Variants in TSHZ3 observed in about 807,000 individuals in gnomAD.
TSHZ3 encodes teashirt zinc finger homeobox 3, also known as teashirt homolog 3.
In TSHZ3, 10 loss-of-function variants were observed where a neutral mutation model predicts 64.5. The observed-to-expected ratio is 0.16, with a 90% confidence interval of 0.10 to 0.26. TSHZ3 has a LOEUF of 0.26. Among genes scored for constraint, TSHZ3 ranks in the 10% least tolerant of loss-of-function variants. The pLI, the probability that TSHZ3 is intolerant of heterozygous loss-of-function variation, is 1.00. For missense variants in TSHZ3, 1,242 were observed against 1,421.7 expected (o/e 0.87, Z 2.03); for synonymous variants, 608 against 593.1 (o/e 1.03, Z -0.36).
intron 5 of TSHZ3, among the ~76,000 whole-genome samples, chr19:31,196,057 T>C (rs1293302748): frequency 6.6e-6 from 1 of 151,768 alleles, no homozygotes; most frequent in African/African-American, 2.4e-5. Flanking sequence ...GACCAAAACA[T>C]AAGGCATGAC....
In TSHZ3 at chr19:31,236,713, C is replaced by T. The variant is rs374231658; in HGVS notation, n.550+5556G>A. On this transcript the variant is annotated intron_variant and non_coding_transcript_variant, in intron 3 of 6. Coordinates refer to the TSHZ3 transcript ENST00000651361. ...AACTGTAAGACCTGAAACTATGAAACTCCTGGAAGAAAACATAGGGAAAAA... is the reference window on the plus strand; with the variant it reads ...AACTGTAAGACCTGAAACTATGAAATTCCTGGAAGAAAACATAGGGAAAAA... Among the ~76,000 whole-genome samples, 5 of 152,212 alleles carry T rather than the reference C, an allele frequency of 3.3e-5. No homozygotes were observed. The East Asian group carries it at 5.8e-4, about 18-fold the overall frequency.
intron 3 of TSHZ3, among the ~76,000 whole-genome samples, chr19:31,228,634 G>A (rs1397195194): frequency 6.6e-6 from 1 of 152,008 alleles, no homozygotes; most frequent in East Asian, 1.9e-4. Context: ...CAGAAGCTTA[G>A]GGTCAAACTT....
intron 4 of TSHZ3, among the ~76,000 whole-genome samples, chr19:31,210,876 T>G (rs1019496363): frequency 6.6e-6 from 1 of 152,232 alleles, no homozygotes; most frequent in Non-Finnish European, 1.5e-5. Flanking sequence ...GTGTTTAGCA[T>G]AAAATGTTGT....
intron 5 of TSHZ3, among the ~76,000 whole-genome samples, chr19:31,204,113 G>GA (rs1190012924): frequency 3.3e-5 from 5 of 152,104 alleles, no homozygotes; most frequent in African/African-American, 1.2e-4. Context: ...AAGCATGGGG[G>GA]AAACTGCCCC....
At chr19:31,224,606 G>A (rs1975435185) in intron 4 of TSHZ3, among the ~76,000 whole-genome samples, 1 of 152,146 alleles carries the variant, frequency 6.6e-6, no homozygotes, top group Non-Finnish European at 1.5e-5. Flanking sequence ...GACGTGGTGG[G>A]TCAATGCTAC....
rs61428496 is a variant in TSHZ3, at chr19:31,199,400, CAAAA to C, written n.809+5552_809+5555del. Among the ~76,000 whole-genome samples, 341 of 98,560 alleles carry C rather than the reference CAAAA, an allele frequency of 3.5e-3. 2 individuals are homozygous for C. Among genetic ancestry groups the C allele is most frequent in the South Asian group, 0.017 (50 of 2,890 alleles). The allele number at this position is 98,560 out of a possible 152,430, so 64.7% of individuals were successfully genotyped here. On this transcript the variant is annotated intron_variant and non_coding_transcript_variant, in intron 5 of 6. Coordinates refer to the TSHZ3 transcript ENST00000651361. Reference sequence around the variant, plus strand: ...GCCTGATGACAGAGCGAGACTCCGCCAAAAAAAAAAAAAAAAAAAAAAGAAAAGA... The same window carrying C: ...GCCTGATGACAGAGCGAGACTCCGCCAAAAAAAAAAAAAAAAAAGAAAAGA...
chr19:31,313,550 C>T (rs568849180), intron 1 of TSHZ3, among the ~76,000 whole-genome samples: 2 of 152,202 alleles, frequency 1.3e-5, no homozygotes, highest in South Asian at 2.1e-4. Context: ...TGTTGGGCTG[C>T]GGAAATGGTT....
At chr19:31,166,036 G>A (rs1466977692) in intron 5 of TSHZ3, among the ~76,000 whole-genome samples, 3 of 152,174 alleles carry the variant, frequency 2.0e-5, no homozygotes, top group Admixed American at 6.5e-5. Context: ...GAAGGCAAGA[G>A]AGGCTGTCTG....
intron 1 of TSHZ3, among the ~76,000 whole-genome samples, chr19:31,267,660 T>C (rs1270572861): frequency 6.6e-6 from 1 of 151,846 alleles, no homozygotes; most frequent in African/African-American, 2.4e-5. Flanking sequence ...TTTTTTTTCC[T>C]GGACTTCAGA....
intron 1 of TSHZ3, among the ~76,000 whole-genome samples, chr19:31,296,350 T>G (rs1466934928): frequency 7.2e-6 from 1 of 139,420 alleles, no homozygotes; most frequent in East Asian, 2.0e-4. Context: ...TTTTTTTTTT[T>G]TGAGACGAAG....
At chr19:31,347,954 C>T (rs965187563) in intron 1 of TSHZ3, among the ~76,000 whole-genome samples, 20 of 152,160 alleles carry the variant, frequency 1.3e-4, no homozygotes, top group African/African-American at 4.6e-4. Context: ...AGATGGGCAC[C>T]AGCCAATGCC....
At chr19:31,191,316 C>T (rs1974902563) in intron 5 of TSHZ3, among the ~76,000 whole-genome samples, 1 of 151,912 alleles carries the variant, frequency 6.6e-6, no homozygotes, top group South Asian at 2.1e-4. Flanking sequence ...ATTTAACATA[C>T]AAGAAAAAAG....
intron 4 of TSHZ3, among the ~76,000 whole-genome samples, chr19:31,221,063 T>C (rs1254921511): frequency 6.6e-6 from 1 of 152,224 alleles, no homozygotes; most frequent in East Asian, 1.9e-4. Context: ...TATGCTCAAC[T>C]ATGTATATTC....
chr19:31,272,197 C>T (rs192226777), downstream of TSHZ3, among the ~76,000 whole-genome samples: 2 of 152,292 alleles, frequency 1.3e-5, no homozygotes, highest in East Asian at 3.9e-4. Context: ...TTTCTGTCTT[C>T]AGAATTCTGC....
chr19:31,304,509 C>CA (rs907219753), intron 1 of TSHZ3, among the ~76,000 whole-genome samples: 2 of 122,968 alleles, frequency 1.6e-5, no homozygotes, highest in African/African-American at 5.7e-5. Flanking sequence ...ACAACAACAA[C>CA]AACAAAAAAT....
chr19:31,176,625 C>CAAAAATA (rs1489398998), intron 5 of TSHZ3, among the ~76,000 whole-genome samples: 1 of 151,962 alleles, frequency 6.6e-6, no homozygotes, highest in Non-Finnish European at 1.5e-5. Context: ...TCCCTCTCTA[C>CAAAAATA]AAAAATAAAA....
chr19:31,194,834 G>A (rs1248775115), intron 5 of TSHZ3, among the ~76,000 whole-genome samples: 3 of 152,182 alleles, frequency 2.0e-5, no homozygotes, highest in Non-Finnish European at 2.9e-5. Flanking sequence ...AATGTATAAA[G>A]TGGACACCAT....
At chr19:31,169,819 G>T (rs1974511771) in intron 5 of TSHZ3, among the ~76,000 whole-genome samples, 1 of 152,136 alleles carries the variant, frequency 6.6e-6, no homozygotes, top group Non-Finnish European at 1.5e-5. Flanking sequence ...TCTGGGATTT[G>T]GTTATGAGGA....
chr19:31,270,383 G>A (rs992693765), downstream of TSHZ3, among the ~76,000 whole-genome samples: 2 of 152,232 alleles, frequency 1.3e-5, no homozygotes, highest in African/African-American at 4.8e-5. Flanking sequence ...ATCACAATCT[G>A]CAGCCTCAAA....
Sources: allele counts gnomAD v4.1 joint callset (sites outside exome capture counted in the v4.1 genomes callset), GRCh38; gene constraint gnomAD v4.1.1; transcripts MANE v1.5; gene names NCBI Gene and HGNC (gene_info 2026-07-23, HGNC 2026-07-21).